The following NXPE4 variants were observed in gnomAD, a reference collection of about 807,000 sequenced individuals.
NXPE4 encodes neurexophilin and PC-esterase domain family member 4.
In NXPE4, 42 loss-of-function variants were observed where a neutral mutation model predicts 33.3. That is an observed-to-expected ratio of 1.26 (90% confidence interval 0.98 to 1.63). The LOEUF (loss-of-function observed/expected upper bound fraction) is 1.63, where lower values mean the gene tolerates loss of function less well. Ranked by LOEUF, NXPE4 falls within the 40% of genes most tolerant of loss-of-function variation. NXPE4 has a pLI of 0.00. For missense variants in NXPE4, 709 were observed against 647.6 expected, an observed-to-expected ratio of 1.09 and a Z score of -1.03; for synonymous variants, 253 against 234.9, an observed-to-expected ratio of 1.08 and a Z score of -0.71.
chr11:114,625,270 T>A, the NXPE4 span, among the ~76,000 whole-genome samples: 3 of 152,116 alleles, frequency 2.0e-5, no homozygotes, highest in East Asian at 5.8e-4. Context: ...CAGTGGGTAA[T>A]ACGAGTTGCC....
chr11:114,633,596 A>T, the NXPE4 span, among the ~76,000 whole-genome samples: 45 of 151,492 alleles, frequency 3.0e-4, 1 homozygote, highest in African/African-American at 1.0e-3. Context: ...TATATCTCAT[A>T]ATGCTATCCC....
chr11:114,664,507 G>A, the NXPE4 span, among the ~76,000 whole-genome samples: 115,536 of 152,138 alleles, frequency 0.76, 44,464 homozygotes, highest in East Asian at 0.84. Context: ...TTGACTTCAC[G>A]AAAACCTGGA....
chr11:114,570,663 C>T lies in NXPE4; in HGVS notation c.*275G>A, dbSNP rs1393992981. ...TTCATGCATCAGAGAGAACTTTTAC[C>T]CATAGGTGTCTTGACTTCCCATTGG... On this transcript the variant is annotated 3_prime_UTR_variant, in exon 6 of 6. Coordinates refer to ENST00000375478, the MANE Select transcript of NXPE4 (RefSeq NM_001077639.2). The T allele has an allele frequency of 1.6e-5, 4 of 248,824 alleles. No homozygotes were observed. Among genetic ancestry groups the T allele is most frequent in the Non-Finnish European group, 3.0e-5 (4 of 132,272 alleles). The allele number at this position is 248,824 out of a possible 1,614,324, so 15.4% of individuals were successfully genotyped here.
the NXPE4 span, among the ~76,000 whole-genome samples, chr11:114,672,139 C>A: frequency 6.6e-5 from 10 of 151,884 alleles, no homozygotes; most frequent in African/African-American, 2.4e-4. Context: ...GGGGGAAGTC[C>A]ACCCCCATGA....
At chr11:114,610,903 G>A in the NXPE4 span, among the ~76,000 whole-genome samples, 1 of 144,938 alleles carries the variant, frequency 6.9e-6, no homozygotes, top group Non-Finnish European at 1.5e-5. Context: ...GTAATCAATG[G>A]TACCTGGTGG....
At chr11:114,631,059 C>T in the NXPE4 span, among the ~76,000 whole-genome samples, 1 of 151,770 alleles carries the variant, frequency 6.6e-6, no homozygotes, top group African/African-American at 2.4e-5. Context: ...AATAGGAACA[C>T]TTTTACACTG....
chr11:114,648,433 G>A, the NXPE4 span, among the ~76,000 whole-genome samples: 1 of 152,154 alleles, frequency 6.6e-6, no homozygotes, highest in Non-Finnish European at 1.5e-5. Context: ...TCAGACTTTT[G>A]TTCTATTCAG....
the NXPE4 span, among the ~76,000 whole-genome samples, chr11:114,650,556 C>T: frequency 6.7e-6 from 1 of 150,168 alleles, no homozygotes. Context: ...GTACTGTTCT[C>T]CTTCCCCAGG....
the NXPE4 span, among the ~76,000 whole-genome samples, chr11:114,642,829 G>C: frequency 6.6e-6 from 1 of 152,038 alleles, no homozygotes; most frequent in Non-Finnish European, 1.5e-5. Context: ...GATCCTTGAG[G>C]AATCGCCACA....
At chr11:114,632,965 T>C in the NXPE4 span, among the ~76,000 whole-genome samples, 24 of 103,126 alleles carry the variant, frequency 2.3e-4, no homozygotes, top group Non-Finnish European at 3.8e-4. Context: ...TATATAATTA[T>C]ATATTATATA....
chr11:114,625,351 T>C, the NXPE4 span, among the ~76,000 whole-genome samples: 1 of 152,142 alleles, frequency 6.6e-6, no homozygotes, highest in Admixed American at 6.5e-5. Context: ...ACTGGGTGTA[T>C]AATAAGTATT....
chr11:114,674,870 C>T, the NXPE4 span, among the ~76,000 whole-genome samples: 2 of 151,642 alleles, frequency 1.3e-5, no homozygotes, highest in Non-Finnish European at 3.0e-5. Context: ...TATAGACTAT[C>T]ATCCCTAATG....
chr11:114,625,817 C>A, the NXPE4 span, among the ~76,000 whole-genome samples: 1 of 152,104 alleles, frequency 6.6e-6, no homozygotes, highest in East Asian at 1.9e-4. Context: ...AGTGGGTGAG[C>A]ACACCACGTG....
the NXPE4 span, among the ~76,000 whole-genome samples, chr11:114,638,216 G>A: frequency 0.093 from 14,052 of 151,226 alleles, 830 homozygotes; most frequent in Middle Eastern, 0.2. Flanking sequence ...CATTCATTTC[G>A]TCTTTCATCA....
the NXPE4 span, among the ~76,000 whole-genome samples, chr11:114,614,566 G>T: frequency 4.6e-5 from 7 of 151,426 alleles, no homozygotes; most frequent in Admixed American, 1.3e-4. Flanking sequence ...TTACCTTGTG[G>T]GTAACTACTG....
At chr11:114,582,063 T>A (rs1288306036) in intron 3 of NXPE4, among the ~76,000 whole-genome samples, 1 of 152,204 alleles carries the variant, frequency 6.6e-6, no homozygotes, top group African/African-American at 2.4e-5. Flanking sequence ...TTCTAGTTTT[T>A]ATTCTGTATA....
Position 114,582,848 on chromosome 11 carries a change from G to A in NXPE4, c.270C>T (p.His90=), listed in dbSNP as rs371127636. The A allele has an allele frequency of 1.8e-4, 290 of 1,614,178 alleles. 4 individuals are homozygous for A. The South Asian group carries it at 2.3e-3, about 13-fold the overall frequency. ...GTGTGGCGCTGGTGGTGGTGTTCAC[G>A]TGGGTGAAAGGTCTGGGTGGGATCT... ...DQQIPPRPFT[H]VNTTTSATHS... Residue 90 remains histidine (H), a synonymous_variant, in exon 3 of 6, where the codon CAC becomes CAT. Coordinates refer to ENST00000375478, the MANE Select transcript of NXPE4 (RefSeq NM_001077639.2).
chr11:114,588,183 C>T (rs1207143774), intron 2 of NXPE4, among the ~76,000 whole-genome samples: 1 of 152,138 alleles, frequency 6.6e-6, no homozygotes, highest in Non-Finnish European at 1.5e-5. Flanking sequence ...CTTGTCCTCC[C>T]TCTCTGGGGC....
chr11:114,674,503 C>G, the NXPE4 span, among the ~76,000 whole-genome samples: 2 of 151,080 alleles, frequency 1.3e-5, no homozygotes, highest in Non-Finnish European at 3.0e-5. Context: ...TTATGCAAAC[C>G]TCATGGCAAC....
Sources: gnomAD v4.1 joint callset for allele counts (sites outside exome capture counted in the v4.1 genomes callset) on GRCh38, gnomAD v4.1.1 for gene constraint, MANE v1.5 for transcripts, NCBI Gene and HGNC (gene_info 2026-07-23, HGNC 2026-07-21) for gene names.